Variants in GNAT3 observed in about 807,000 individuals in gnomAD.
The protein encoded by GNAT3 is guanine nucleotide-binding protein G(t) subunit alpha-3.
In GNAT3, 31 loss-of-function variants were observed where a neutral mutation model predicts 37.7. That is an observed-to-expected ratio of 0.82 (90% CI 0.62 to 1.11). GNAT3 has a LOEUF of 1.11. Among genes scored for constraint, GNAT3 ranks in the 50% most tolerant of loss-of-function variants. The pLI is 0.00. For synonymous variants in GNAT3, 138 were observed against 139.8 expected (o/e 0.99, Z 0.09); for missense variants, 437 against 412.5 (o/e 1.06, Z -0.51).
chr7:80,487,274 A>G (rs183541155), intron 3 of GNAT3, among the ~76,000 whole-genome samples: 1 of 152,302 alleles, frequency 6.6e-6, no homozygotes, highest in Non-Finnish European at 1.5e-5. Flanking sequence ...GAGATAAAGA[A>G]TAAAAGGATC....
intron 3 of GNAT3, among the ~76,000 whole-genome samples, chr7:80,487,049 A>G (rs576574717): frequency 6.6e-6 from 1 of 152,298 alleles, no homozygotes; most frequent in Non-Finnish European, 1.5e-5. Context: ...AGCAAAAAGC[A>G]CTATAATGGA....
intron 1 of GNAT3, among the ~76,000 whole-genome samples, chr7:80,497,038 CAT>C (rs1562732353): frequency 6.6e-6 from 1 of 152,104 alleles, no homozygotes; most frequent in African/African-American, 2.4e-5. Flanking sequence ...CACACCTCTC[CAT>C]GATTTTATGC....
intron 3 of GNAT3, chr7:80,487,706 T>C (rs1373671198): frequency 2.0e-5 from 3 of 152,204 alleles, no homozygotes; most frequent in Non-Finnish European, 2.9e-5. Flanking sequence ...AAGAATTACG[T>C]TGGTAGGCAT....
Position 80,499,293 on chromosome 7 carries a change from T to G in GNAT3, c.119-4646A>C, listed in dbSNP as rs17154031. Among the ~76,000 whole-genome samples the G allele has an allele frequency of 9.4e-3, 1,429 of 152,356 alleles. 26 individuals are homozygous for G. The highest frequency in any genetic ancestry group is 0.033 in the African/African-American group (1,355 of 41,584). On this transcript the variant is annotated intron_variant, in intron 1 of 7. Transcript: ENST00000398291. Reference sequence around the variant, plus strand: ...AGCTGTGTCATATCGCTTTCTTTTTTAAGTAGGCACTGATAAATACCAAAA... The same window carrying G: ...AGCTGTGTCATATCGCTTTCTTTTTGAAGTAGGCACTGATAAATACCAAAA...
At chr7:80,482,689 A>ATTT (rs71079119) in intron 3 of GNAT3, among the ~76,000 whole-genome samples, 3 of 114,122 alleles carry the variant, frequency 2.6e-5, no homozygotes, top group South Asian at 3.1e-4. Flanking sequence ...AATTTTTGTA[A>ATTT]TTTTTTTTTT....
intron 7 of GNAT3, among the ~76,000 whole-genome samples, chr7:80,460,525 A>G (rs534096060): frequency 2.0e-5 from 3 of 152,122 alleles, no homozygotes; most frequent in Non-Finnish European, 2.9e-5. Flanking sequence ...GGGCGGATGG[A>G]TCATCTGAGG....
chr7:80,479,947 T>C (rs1401369423), intron 3 of GNAT3, among the ~76,000 whole-genome samples: 1 of 152,110 alleles, frequency 6.6e-6, no homozygotes, highest in African/African-American at 2.4e-5. Context: ...GAGTTTTTTA[T>C]GCAAAGCAAG....
chr7:80,460,750 GA>G (rs56351101), intron 7 of GNAT3, among the ~76,000 whole-genome samples: 31 of 144,876 alleles, frequency 2.1e-4, no homozygotes, highest in Admixed American at 4.1e-4. Context: ...TCCATCTCAA[GA>G]AAAAAAAAAA....
chr7:80,500,630 G>A (rs892254648), intron 1 of GNAT3, among the ~76,000 whole-genome samples: 10 of 151,986 alleles, frequency 6.6e-5, no homozygotes, highest in Admixed American at 5.2e-4. Context: ...AATGCTAAAT[G>A]TTGGCCATTA....
Position 80,488,653 on chromosome 7 carries a change from C to A in GNAT3, c.185G>T (p.Ser62Ile). ...TTTGAACTCCATGCATTCTTGCTCA[C>A]TGTAACCATTCTTATGGATGATCCT... ...QMKIIHKNGY[S>I]EQECMEFKAV... is the part of the protein sequence containing the mutation. Residue 62 changes from serine to isoleucine, a missense_variant, in exon 3 of 8, where the codon AGT (serine) becomes ATT (isoleucine). Physicochemically the swap from Ser to Ile is moderately radical, Grantham distance 142. Coordinates refer to ENST00000398291, the MANE Select transcript of GNAT3 (RefSeq NM_001102386.3). The A allele has an allele frequency of 6.3e-7, 1 of 1,581,412 alleles. No individual in the cohort carries two copies. Among genetic ancestry groups the A allele is most frequent in the Non-Finnish European group, 8.6e-7 (1 of 1,160,692 alleles).
At chr7:80,496,383 G>A (rs905794777) in intron 1 of GNAT3, among the ~76,000 whole-genome samples, 2 of 151,942 alleles carry the variant, frequency 1.3e-5, no homozygotes, top group East Asian at 1.9e-4. Context: ...TGCCTGCCTC[G>A]GCCTCCCAAA....
At chr7:80,459,540 A>G (rs760053978) in intron 7 of GNAT3, among the ~76,000 whole-genome samples, 41 of 152,228 alleles carry the variant, frequency 2.7e-4, no homozygotes, top group Admixed American at 5.2e-4. Context: ...TAGCAGTAAT[A>G]CAATGAAGGC....
chr7:80,474,323 T>C lies in GNAT3; in HGVS notation c.518A>G (p.Asp173Gly). 1.3e-6 allele frequency: 2 copies of C among 1,569,524 alleles called. No homozygotes were observed. The highest frequency in any genetic ancestry group is 1.7e-6 in the Non-Finnish European group (2 of 1,154,082). ...TASGYVPNEQ[D>G]VLHSRVKTTG... ...CGTTTTCACTCGAGAATGGAGAACATCTTGTTCATTTGGCACATACCCAGA... is the reference window on the plus strand; with the variant it reads ...CGTTTTCACTCGAGAATGGAGAACACCTTGTTCATTTGGCACATACCCAGA... Residue 173 changes from aspartate to glycine, a missense_variant, in exon 5 of 8, where the codon GAT (aspartate) becomes GGT (glycine). Asp to Gly is a moderately conservative substitution (Grantham distance 94). Transcript: ENST00000398291.
chr7:80,494,719 T>C (rs1285778742), intron 1 of GNAT3, 72 bp from the exon 2 acceptor site: 5 of 879,698 alleles, frequency 5.7e-6, no homozygotes, highest in Non-Finnish European at 9.1e-6. Context: ...CTATCACTTT[T>C]CATGGATAAT....
chr7:80,477,627 T>G (rs762928477), intron 4 of GNAT3, among the ~76,000 whole-genome samples: 3 of 152,190 alleles, frequency 2.0e-5, no homozygotes, highest in Non-Finnish European at 4.4e-5. Flanking sequence ...CATCAATGAT[T>G]AAAAATCTGA....
At position 80,479,128 on chromosome 7, in the gene GNAT3, T is replaced by C. The variant is rs138641242; in HGVS notation, c.304-130A>G. The C allele has an allele frequency of 3.5e-5, 24 of 693,574 alleles. No individual in the cohort carries two copies. In the East Asian group the frequency reaches 7.2e-4, roughly 21 times the overall value. 43.0% of individuals were successfully genotyped at this position (693,574 alleles called of 1,614,324 possible). On this transcript the variant is annotated intron_variant, in intron 3 of 7. Coordinates refer to ENST00000398291, the MANE Select transcript of GNAT3 (RefSeq NM_001102386.3). ...CTAATAATTCCACCAAACATCTTTT[T>C]GAACTATATTGAGGTAAATAGAACT...
At chr7:80,458,917 G>A in intron 7 of GNAT3, 56 bp from the exon 8 acceptor site, 2 of 1,171,988 alleles carry the variant, frequency 1.7e-6, no homozygotes, top group East Asian at 2.7e-5. Context: ...ACAAAGAATA[G>A]GCTATAAATA....
intron 4 of GNAT3, among the ~76,000 whole-genome samples, chr7:80,476,778 C>A (rs1341850358): frequency 6.6e-6 from 1 of 151,814 alleles, no homozygotes; most frequent in Non-Finnish European, 1.5e-5. Context: ...AAAAAATCTG[C>A]TCTTAATTTC....
At chr7:80,487,467 G>A (rs1790509427) in intron 3 of GNAT3, among the ~76,000 whole-genome samples, 1 of 152,114 alleles carries the variant, frequency 6.6e-6, no homozygotes, top group Non-Finnish European at 1.5e-5. Context: ...TTGAAGAAAA[G>A]TGACAGGAAA....
Sources: gnomAD v4.1 joint callset for allele counts (sites outside exome capture counted in the v4.1 genomes callset) on GRCh38, gnomAD v4.1.1 for gene constraint, MANE v1.5 for transcripts, NCBI Gene and HGNC (gene_info 2026-07-23, HGNC 2026-07-21) for gene names.